SH3GL3: variants seen among roughly 807,000 people sequenced by gnomAD.
SH3GL3 encodes the protein endophilin-A3.
Under a neutral mutation model 47.7 loss-of-function variants are expected in SH3GL3, and 33 were observed. The ratio of observed to expected loss-of-function variants is 0.69; its 90% CI spans 0.52 to 0.92. SH3GL3 has a LOEUF of 0.92. SH3GL3 is among the 40% of genes least tolerant of loss of function. The probability of loss-of-function intolerance (pLI) is 0.00; values close to 1 mark genes in which losing one functional copy is unlikely to be tolerated. For missense variants in SH3GL3, 363 were observed against 417.8 expected (o/e 0.87, Z 1.14); for synonymous variants, 155 against 148.8 (o/e 1.04, Z -0.30).
intron 1 of SH3GL3, among the ~76,000 whole-genome samples, chr15:83,499,395 C>A (rs1430619514): frequency 1.5e-3 from 183 of 121,856 alleles, no homozygotes; most frequent in Admixed American, 1.9e-3. Context: ...GACTCCATCT[C>A]AAAAAAAAAA....
chr15:83,580,471 A>C (rs1162780006), intron 6 of SH3GL3, among the ~76,000 whole-genome samples: 5 of 152,200 alleles, frequency 3.3e-5, no homozygotes, highest in African/African-American at 1.2e-4. Flanking sequence ...TCCAGACACA[A>C]GTGGGACATG....
chr15:83,490,379 A>G (rs1040550704), intron 1 of SH3GL3, among the ~76,000 whole-genome samples: 2 of 151,146 alleles, frequency 1.3e-5, no homozygotes, highest in South Asian at 2.1e-4. Flanking sequence ...TGCCAGAGGG[A>G]CACTGAGGGC....
chr15:83,456,904 G>C lies in SH3GL3; in HGVS notation c.45+9326G>C, dbSNP rs114176908. ...TTGACAAGATTTTTTTGATAGAGCT[G>C]TTTACTCTTCTGGTAGAGATGTAGC... On this transcript the variant is annotated intron_variant, in intron 1 of 8. Transcript: ENST00000427482. Among the ~76,000 whole-genome samples the C allele has an allele frequency of 4.3e-3, 652 of 152,308 alleles. 7 individuals carry two copies. The highest frequency in any genetic ancestry group is 0.015 in the African/African-American group (611 of 41,558).
At chr15:83,578,876 G>T (rs1366257299) in intron 6 of SH3GL3, among the ~76,000 whole-genome samples, 1 of 152,072 alleles carries the variant, frequency 6.6e-6, no homozygotes, top group African/African-American at 2.4e-5. Flanking sequence ...ATGGAATGTT[G>T]CCCTGCTGGC....
chr15:83,525,365 T>TGTGTGC (rs1049992565), intron 1 of SH3GL3, among the ~76,000 whole-genome samples: 1 of 151,750 alleles, frequency 6.6e-6, no homozygotes, highest in African/African-American at 2.4e-5. Flanking sequence ...TGTGTGTGTG[T>TGTGTGC]GTGTGTGTGT....
intron 1 of SH3GL3, among the ~76,000 whole-genome samples, chr15:83,460,966 C>G (rs1210310311): frequency 6.6e-6 from 1 of 151,986 alleles, no homozygotes; most frequent in African/African-American, 2.4e-5. Context: ...ACCTGTATTC[C>G]CAGCTACTCA....
At chr15:83,476,127 A>G (rs375241730) in intron 1 of SH3GL3, among the ~76,000 whole-genome samples, 9 of 152,210 alleles carry the variant, frequency 5.9e-5, no homozygotes, top group African/African-American at 2.2e-4. Context: ...TAGTATAACT[A>G]GCAAAAAGTA....
At chr15:83,551,404 T>C (rs1054852831) in intron 1 of SH3GL3, among the ~76,000 whole-genome samples, 1 of 152,206 alleles carries the variant, frequency 6.6e-6, no homozygotes, top group Non-Finnish European at 1.5e-5. Context: ...ATATTTGTGA[T>C]GGGGAAGCTG....
At chr15:83,536,053 G>T (rs186115178) in intron 1 of SH3GL3, among the ~76,000 whole-genome samples, 4 of 152,324 alleles carry the variant, frequency 2.6e-5, no homozygotes, top group Non-Finnish European at 2.9e-5. Context: ...TGCAAAAAGT[G>T]AATACAAGTA....
chr15:83,571,358 C>T (rs1374368615), intron 4 of SH3GL3, among the ~76,000 whole-genome samples: 5 of 152,104 alleles, frequency 3.3e-5, no homozygotes, highest in Admixed American at 1.3e-4. Context: ...CAGGCAATAC[C>T]ATTTCTCACC....
At chr15:83,567,255 C>T (rs1170598254) in intron 3 of SH3GL3, among the ~76,000 whole-genome samples, 2 of 152,164 alleles carry the variant, frequency 1.3e-5, no homozygotes, top group Non-Finnish European at 2.9e-5. Flanking sequence ...TTACTGACAC[C>T]ATTCTCTGTA....
At chr15:83,554,968 A>G (rs866382389) in intron 1 of SH3GL3, among the ~76,000 whole-genome samples, 9 of 152,046 alleles carry the variant, frequency 5.9e-5, no homozygotes, top group Non-Finnish European at 1.0e-4. Context: ...ATTCTCCTAT[A>G]TTCTGTTGTT....
chr15:83,526,848 A>G (rs1199094776), intron 1 of SH3GL3, among the ~76,000 whole-genome samples: 1 of 152,164 alleles, frequency 6.6e-6, no homozygotes, highest in Non-Finnish European at 1.5e-5. Flanking sequence ...CTAACTCATG[A>G]TCATAGGATG....
intron 1 of SH3GL3, among the ~76,000 whole-genome samples, chr15:83,497,072 A>G (rs982575161): frequency 1.3e-5 from 2 of 152,102 alleles, no homozygotes; most frequent in Admixed American, 1.3e-4. Context: ...TCTGCTATAC[A>G]GGGTCTGCCA....
At chr15:83,482,909 C>A (rs2041431455) in intron 1 of SH3GL3, among the ~76,000 whole-genome samples, 1 of 152,158 alleles carries the variant, frequency 6.6e-6, no homozygotes, top group Non-Finnish European at 1.5e-5. Context: ...GTGAACAGTT[C>A]CGTTCTAGGA....
chr15:83,544,444 T>C, intron 1 of SH3GL3, among the ~76,000 whole-genome samples: 1 of 152,142 alleles, frequency 6.6e-6, no homozygotes, highest in Non-Finnish European at 1.5e-5. Context: ...GGATGAAATG[T>C]TCTGTAAATA....
intron 8 of SH3GL3, among the ~76,000 whole-genome samples, chr15:83,597,882 A>G (rs1245850515): frequency 1.3e-5 from 2 of 152,202 alleles, no homozygotes; most frequent in Non-Finnish European, 2.9e-5. Context: ...TGCTGGGATT[A>G]TAGGCGTGAG....
intron 1 of SH3GL3, among the ~76,000 whole-genome samples, chr15:83,487,041 T>C (rs2041628927): frequency 6.6e-6 from 1 of 152,170 alleles, no homozygotes; most frequent in Admixed American, 6.5e-5. Flanking sequence ...GAGTTAGAGC[T>C]TCAACAAATG....
At chr15:83,603,751 C>T (rs1328642818) in intron 8 of SH3GL3, among the ~76,000 whole-genome samples, 1 of 152,174 alleles carries the variant, frequency 6.6e-6, no homozygotes, top group Non-Finnish European at 1.5e-5. Flanking sequence ...CTTTATTCAC[C>T]TTCTTTCTTT....
Sources: gnomAD v4.1 joint callset for allele counts (sites outside exome capture counted in the v4.1 genomes callset) on GRCh38, gnomAD v4.1.1 for gene constraint, MANE v1.5 for transcripts, NCBI Gene and HGNC (gene_info 2026-07-23, HGNC 2026-07-21) for gene names.